TSPOAP1: variants seen among roughly 807,000 people sequenced by gnomAD.
TSPOAP1 encodes TSPO associated protein 1, also known as peripheral-type benzodiazepine receptor-associated protein 1.
Under a neutral mutation model 197.0 loss-of-function variants are expected in TSPOAP1, and 87 were observed. The ratio of observed to expected loss-of-function variants is 0.44; its 90% CI spans 0.37 to 0.53. The LOEUF is 0.53. TSPOAP1 is among the 20% of genes least tolerant of loss of function. The probability of loss-of-function intolerance (pLI) is 0.00; values close to 1 mark genes in which losing one functional copy is unlikely to be tolerated. For missense variants in TSPOAP1, 2,174 were observed against 2,411.3 expected, an observed-to-expected ratio of 0.90 and a Z score of 2.06; for synonymous variants, 913 against 998.9, an observed-to-expected ratio of 0.91 and a Z score of 1.62.
At chr17:58,313,214 T>C (rs1322641889) in intron 16 of TSPOAP1, among the ~76,000 whole-genome samples, 4 of 152,224 alleles carry the variant, frequency 2.6e-5, no homozygotes, top group Non-Finnish European at 5.9e-5. Context: ...GTGCTGGCTA[T>C]ATAAATATTC....
chr17:58,314,041 A>G (rs1971144602), intron 16 of TSPOAP1, among the ~76,000 whole-genome samples: 1 of 152,220 alleles, frequency 6.6e-6, no homozygotes, highest in African/African-American at 2.4e-5. Flanking sequence ...GGAAACAGAC[A>G]GCTGGTAGCT....
At chr17:58,325,440 T>G in intron 4 of TSPOAP1, 94 bp downstream of exon 4, 1 of 1,503,992 alleles carries the variant, frequency 6.6e-7, no homozygotes, top group Non-Finnish European at 9.0e-7. Context: ...CTCCCTTTCA[T>G]TTGCGTCTCA....
At chr17:58,307,502 A>C (rs1970936397) in intron 24 of TSPOAP1, 109 bp downstream of exon 24, 7 of 1,405,844 alleles carry the variant, frequency 5.0e-6, no homozygotes, top group Non-Finnish European at 6.8e-6. Flanking sequence ...CTGCTCTAGA[A>C]GCCATGTTCT....
At chr17:58,307,784 C>T (rs72839988) in intron 23 of TSPOAP1, 22 bp from the exon 24 acceptor site, 112,880 of 1,613,706 alleles carry the variant, frequency 0.07, 4,374 homozygotes, top group South Asian at 0.12. Context: ...GTGGAGAGGG[C>T]GGTGACGCAG....
rs765718958 is a variant in TSPOAP1, at chr17:58,304,935, G to A, written c.5544+126C>T. The A allele has an allele frequency of 1.1e-5, 8 of 761,304 alleles. No homozygotes were observed. The highest frequency in any genetic ancestry group is 2.9e-5 in the South Asian group (2 of 70,036). The allele number at this position is 761,304 out of a possible 1,614,324, so 47.2% of individuals were successfully genotyped here. ...TCTGGTGGTCAATTAGCGGCTGCAC[G>A]CTGGACACAGTGCTTACCTGCATGA... On this transcript the variant is annotated intron_variant, in intron 30 of 31. Transcript: ENST00000343736. The surrounding 1 kb of genome is among the most constrained non-coding windows in gnomAD (Gnocchi z 4.2).
Position 58,302,227 on chromosome 17 carries a change from G to T in TSPOAP1, c.*253C>A, listed in dbSNP as rs896666971. 1 of 1,285,710 alleles carries T rather than the reference G, an allele frequency of 7.8e-7. No homozygotes were observed. The highest frequency in any genetic ancestry group is 1.5e-5 in the African/African-American group (1 of 65,766). 79.6% of individuals were successfully genotyped at this position (1,285,710 alleles called of 1,614,324 possible). ...GCTCAGCAGAGACAGTGATCTGGGGGCCTCTCAGGGCCTCTTCTGCCTGCA... is the reference window on the plus strand; with the variant it reads ...GCTCAGCAGAGACAGTGATCTGGGGTCCTCTCAGGGCCTCTTCTGCCTGCA... On this transcript the variant is annotated 3_prime_UTR_variant, in exon 32 of 32. Transcript: ENST00000343736.
chr17:58,310,456 G>C, intron 20 of TSPOAP1, 56 bp downstream of exon 20: 1 of 1,594,608 alleles, frequency 6.3e-7, no homozygotes. Flanking sequence ...CTGGCAAAAG[G>C]TAGGGAGACA....
rs574428111 is a variant in TSPOAP1, at chr17:58,325,085, C to T, written c.751-83G>A. 3.1e-6 allele frequency: 4 copies of T among 1,279,804 alleles called. No individual in the cohort carries two copies. In the African/African-American group the frequency reaches 6.0e-5, roughly 19 times the overall value. The allele number at this position is 1,279,804 out of a possible 1,614,324, so 79.3% of individuals were successfully genotyped here. A position where few individuals can be genotyped will look rare whatever the true frequency, so the allele number is the denominator to read the frequency against. ...TGCCATCCCCTGCAGAGCCCTTCGC[C>T]TTGCTGGAGGGGCTCCGATGCGCGA... On this transcript the variant is annotated intron_variant, in intron 4 of 31. Transcript: ENST00000343736.
In TSPOAP1 at chr17:58,327,973, T is replaced by G; in HGVS notation, c.-53A>C. The G allele has an allele frequency of 6.8e-7, 1 of 1,462,864 alleles. No homozygotes were observed. The highest frequency in any genetic ancestry group is 1.4e-5 in the African/African-American group (1 of 71,614). The allele number at this position is 1,462,864 out of a possible 1,614,324, so 90.6% of individuals were successfully genotyped here. A position where few individuals can be genotyped will look rare whatever the true frequency, so the allele number is the denominator to read the frequency against. ...GGCCGGGGGACATCACCCAGCCAGG[T>G]GGGGGGACTGGCGAGGGTCATGCCA... On this transcript the variant is annotated 5_prime_UTR_variant, in exon 1 of 32. Coordinates refer to ENST00000343736, the MANE Select transcript of TSPOAP1 (RefSeq NM_004758.4).
Position 58,306,430 on chromosome 17 carries a change from G to A in TSPOAP1, c.5153-17C>T, listed in dbSNP as rs755810475. 2 of 1,550,410 alleles carry A rather than the reference G, an allele frequency of 1.3e-6. No homozygotes were observed. The highest frequency in any genetic ancestry group is 2.7e-5 in the African/African-American group (2 of 73,046). Reference sequence around the variant, plus strand: ...GACCATTCCCTGATCCAGAAAAGCAGAGAGAAAGCGAGGCAGGGGAGGTGG... The same window carrying A: ...GACCATTCCCTGATCCAGAAAAGCAAAGAGAAAGCGAGGCAGGGGAGGTGG... On this transcript the variant is annotated splice_polypyrimidine_tract_variant and intron_variant, in intron 25 of 31. Transcript: ENST00000343736.
intron 14 of TSPOAP1, 150 bp from the exon 15 acceptor site, chr17:58,316,690 C>CA: frequency 1.6e-6 from 1 of 618,888 alleles, no homozygotes; most frequent in Admixed American, 3.1e-5. Context: ...CAAGGACCCC[C>CA]TGATGCTCTC....
rs1369632594 is a variant in TSPOAP1, at chr17:58,310,569, T to C, written c.3642A>G (p.Pro1214=). The change falls in exon 20 of 32, where the codon CCA becomes CCG. Residue 1214 remains proline (P), a synonymous_variant. Transcript: ENST00000343736. ...CTCCTCCTTGGCACATCTCGGTATT[T>C]GGCGCCTGCTGGGCCCGTGCTCCCT... The part of the protein sequence containing the change: ...STQGARAQQA[P]NTEMCQGGDP... The C allele has an allele frequency of 6.2e-7, 1 of 1,613,314 alleles. No homozygotes were observed. The highest frequency in any genetic ancestry group is 8.5e-7 in the Non-Finnish European group (1 of 1,180,044).
rs769467219 is a variant in TSPOAP1, at chr17:58,323,513, G to A, written c.975C>T (p.Pro325=). ...ATPQEDADNL[P]VILGEPEKEQ... ...CTTTCTCTGGCTCCCCTAGAATCAC[G>A]GGTAGGTTGTCCGCATCCTCCTGGG... The change falls in exon 6 of 32, where the codon CCC becomes CCT. Residue 325 remains proline, a synonymous_variant. Coordinates refer to ENST00000343736, the MANE Select transcript of TSPOAP1 (RefSeq NM_004758.4). The A allele has an allele frequency of 1.2e-5, 19 of 1,614,040 alleles. No homozygotes were observed. The highest frequency in any genetic ancestry group is 6.7e-5 in the East Asian group (3 of 44,896).
Position 58,312,665 on chromosome 17 carries a change from G to A in TSPOAP1, c.2156C>T (p.Ser719Leu), listed in dbSNP as rs377360020. 5.0e-6 allele frequency: 8 copies of A among 1,613,626 alleles called. No homozygotes were observed. Among genetic ancestry groups the A allele is most frequent in the East Asian group, 2.2e-5 (1 of 44,902 alleles). Residue 719 changes from serine (S) to leucine (L), a missense_variant, in exon 17 of 32, where the codon TCG (serine) becomes TTG (leucine). By Grantham distance (145) the Ser-to-Leu change is moderately radical. Transcript: ENST00000343736. The stretch of plus-strand genomic sequence containing the variant: ...GAGGGAGGTCAGGAGGTCATCATCC[G>A]ACACACGCTCTACAAAATTGGAAGG... ...LVPSNFVERV[S>L]DDDLLTSLPP...
At position 58,328,509 on chromosome 17, in the gene TSPOAP1, TG is replaced by T. The variant is rs980197444; in HGVS notation, c.-590del. ...GTGTCGTTGTGTGTCTGTCAGTGTC[TG>T]TGGGTCTGGCCGTCTGTCGCAACCC... On this transcript the variant is annotated 5_prime_UTR_variant, in exon 1 of 32. Transcript: ENST00000343736. This position sits in a 1 kb window ranked among gnomAD's most constrained non-coding sequence, Gnocchi z 4.3. 8 of 154,754 alleles carry T rather than the reference TG, an allele frequency of 5.2e-5. No homozygotes were observed. Among genetic ancestry groups the T allele is most frequent in the African/African-American group, 1.7e-4 (7 of 41,556 alleles). 9.6% of individuals were successfully genotyped at this position (154,754 alleles called of 1,614,324 possible).
Position 58,312,576 on chromosome 17 carries a change from C to T in TSPOAP1, c.2245G>A (p.Gly749Arg), listed in dbSNP as rs1188646993. ...TGGCCCCCGCTACTGCTGCCACCCC[C>T]ACCTACACTCAGGAAACTGAGTTCA... ...GPELSFLSVG[G>R]GGSSSGGQSS... Residue 749 changes from glycine to arginine, a missense_variant, in exon 17 of 32, where the codon GGG becomes AGG. This residue lies in a region of TSPOAP1 where 1,933 missense variants were observed against 2,139.0 expected (regional missense o/e 0.90). Coordinates refer to ENST00000343736, the MANE Select transcript of TSPOAP1 (RefSeq NM_004758.4). The T allele has an allele frequency of 4.3e-6, 7 of 1,612,064 alleles. No homozygotes were observed. Among genetic ancestry groups the T allele is most frequent in the African/African-American group, 4.0e-5 (3 of 74,842 alleles).
chr17:58,316,591 G>T (rs374088467), intron 14 of TSPOAP1, 51 bp from the exon 15 acceptor site: 1 of 1,465,176 alleles, frequency 6.8e-7, no homozygotes, highest in African/African-American at 1.4e-5. Context: ...GGGGCCAAGC[G>T]CCAAGCAGGC....
At chr17:58,305,921 G>C in intron 26 of TSPOAP1, 56 bp from the exon 27 acceptor site, 1 of 1,587,932 alleles carries the variant, frequency 6.3e-7, no homozygotes, top group Non-Finnish European at 8.6e-7. Context: ...CAGGCTGCAG[G>C]TGCTGCAGCG....
chr17:58,309,872 G>T lies in TSPOAP1; in HGVS notation c.3891+95C>A. The T allele has an allele frequency of 6.9e-7, 1 of 1,450,374 alleles. No individual in the cohort carries two copies. The highest frequency in any genetic ancestry group is 9.3e-7 in the Non-Finnish European group (1 of 1,075,438). The allele number at this position is 1,450,374 out of a possible 1,614,324, so 89.8% of individuals were successfully genotyped here. ...CAGGCCACAGACCTAGAATGTTTCT[G>T]GCACTCAGTGGTGGTCAGAGCACCT... On this transcript the variant is annotated intron_variant, in intron 21 of 31. Coordinates refer to ENST00000343736, the MANE Select transcript of TSPOAP1 (RefSeq NM_004758.4). This position sits in a 1 kb window ranked among gnomAD's most constrained non-coding sequence, Gnocchi z 5.0.
Sources: gnomAD v4.1 joint callset for allele counts (sites outside exome capture counted in the v4.1 genomes callset) on GRCh38, gnomAD v4.1.1 for gene constraint, gnomAD v4.1.1 regional missense constraint, Gnocchi (gnomAD v3.1) non-coding constraint, MANE v1.5 for transcripts, NCBI Gene and HGNC (gene_info 2026-07-23, HGNC 2026-07-21) for gene names.